The following CCDC77 variants were observed in gnomAD, a reference collection of about 807,000 sequenced individuals.
CCDC77 encodes coiled-coil domain containing 77, also known as coiled-coil domain-containing protein 77.
CCDC77 carries 56 observed loss-of-function variants against 66.8 expected under a neutral mutation model. That is an observed-to-expected ratio of 0.84 (90% CI 0.68 to 1.05). The LOEUF (loss-of-function observed/expected upper bound fraction) is 1.05, where lower values mean the gene tolerates loss of function less well. CCDC77 is among the 50% of genes least tolerant of loss of function. CCDC77 has a pLI of 0.00. For synonymous variants in CCDC77, 196 were observed against 195.2 expected, an observed-to-expected ratio of 1.00 and a Z score of -0.03; for missense variants, 570 against 576.8, an observed-to-expected ratio of 0.99 and a Z score of 0.12.
At chr12:404,655 G>A (rs1161755369) in intron 1 of CCDC77, among the ~76,000 whole-genome samples, 3 of 152,064 alleles carry the variant, frequency 2.0e-5, no homozygotes, top group Non-Finnish European at 4.4e-5. Context: ...CAACAGTGAG[G>A]ACAGTCACTA....
chr12:409,299 G>T (rs1591964053), intron 2 of CCDC77, 69 bp from the exon 3 acceptor site: 2 of 1,084,290 alleles, frequency 1.8e-6, no homozygotes, highest in South Asian at 2.5e-5. Context: ...GAGGGAACCA[G>T]TCTAATCCTG....
chr12:400,142 G>A (rs757987190), upstream of CCDC77, among the ~76,000 whole-genome samples: 1 of 152,168 alleles, frequency 6.6e-6, no homozygotes, highest in African/African-American at 2.4e-5. Flanking sequence ...ACCAGCCTCC[G>A]CTATCTTCCA....
In CCDC77 at chr12:437,532, A is replaced by G. The variant is rs1945779923; in HGVS notation, c.822-803A>G. Among the ~76,000 whole-genome samples, 2 of 149,472 alleles carry G rather than the reference A, an allele frequency of 1.3e-5. 1 individual carries two copies. Among genetic ancestry groups the G allele is most frequent in the Non-Finnish European group, 3.0e-5 (2 of 66,386 alleles). On this transcript the variant is annotated intron_variant, in intron 9 of 12. Transcript: ENST00000239830. ...CTAAAGTTGTTGGAAATGACTTCAT[A>G]CAGGAAGTTGATTTTTAAAAAAGTA... is the stretch of plus-strand genomic sequence containing the variant.
At chr12:410,756 G>A (rs1235362597) in intron 3 of CCDC77, among the ~76,000 whole-genome samples, 1 of 152,110 alleles carries the variant, frequency 6.6e-6, no homozygotes, top group African/African-American at 2.4e-5. Context: ...ATGTTGGCCA[G>A]GCTGGTCTTG....
intron 5 of CCDC77, among the ~76,000 whole-genome samples, chr12:428,298 G>GTCAGGAGA (rs1239884512): frequency 6.6e-6 from 1 of 151,962 alleles, no homozygotes; most frequent in African/African-American, 2.4e-5. Flanking sequence ...AGATCACGAG[G>GTCAGGAGA]TCAGGAGATC....
chr12:437,263 C>G (rs1296226855), intron 9 of CCDC77, among the ~76,000 whole-genome samples: 2 of 152,074 alleles, frequency 1.3e-5, no homozygotes, highest in Non-Finnish European at 2.9e-5. Context: ...TTGTCTATTC[C>G]TAAATTTCAG....
intron 2 of CCDC77, among the ~76,000 whole-genome samples, chr12:406,932 G>A (rs1945003674): frequency 6.6e-6 from 1 of 152,218 alleles, no homozygotes; most frequent in South Asian, 2.1e-4. Flanking sequence ...GGATGACACA[G>A]CAAGACTTTG....
chr12:406,797 A>C (rs988270731), intron 2 of CCDC77, among the ~76,000 whole-genome samples: 2 of 152,186 alleles, frequency 1.3e-5, no homozygotes, highest in Admixed American at 6.5e-5. Flanking sequence ...AAATACAAAA[A>C]TTAGCCAGGC....
chr12:390,082 G>T (rs1944726566), intron 1 of CCDC77: 1 of 129,422 alleles, frequency 7.7e-6, no homozygotes. Flanking sequence ...CAGTGTTCCT[G>T]GTTTCCATTA....
rs1945793349 is a variant in CCDC77 at position 438,322 on chromosome 12, CT to C, written c.822-10del. On this transcript the variant is annotated splice_polypyrimidine_tract_variant and intron_variant, in intron 9 of 12. Coordinates refer to ENST00000239830, the MANE Select transcript of CCDC77 (RefSeq NM_032358.4). ...GCGCATCCTCATGTCTGCATTTATA[CT>C]TTCTTTCCTAGTCTTCACCACACCC... The C allele has an allele frequency of 1.9e-6, 3 of 1,585,482 alleles. No individual in the cohort carries two copies. The African/African-American group carries it at 4.0e-5, about 21-fold the overall frequency.
At chr12:411,353 G>A (rs543388700) in intron 3 of CCDC77, among the ~76,000 whole-genome samples, 14 of 150,810 alleles carry the variant, frequency 9.3e-5, no homozygotes, top group Non-Finnish European at 2.1e-4. Flanking sequence ...TTTTATTTTT[G>A]TATTTTGGTA....
At chr12:405,917 T>A (rs1944981481) in intron 2 of CCDC77, among the ~76,000 whole-genome samples, 1 of 11,856 alleles carries the variant, frequency 8.4e-5, no homozygotes, top group Non-Finnish European at 2.6e-4. Context: ...AGTGTTCAAC[T>A]TTTTTTTTTT....
upstream of CCDC77, among the ~76,000 whole-genome samples, chr12:398,063 T>C (rs115633109): frequency 2.1e-3 from 326 of 152,336 alleles, no homozygotes; most frequent in African/African-American, 7.3e-3. Context: ...TGCTGATTGC[T>C]AAAGGCTGGG....
intron 12 of CCDC77, 61 bp downstream of exon 12, chr12:441,057 C>T (rs1945849605): frequency 6.5e-7 from 1 of 1,541,070 alleles, no homozygotes; most frequent in Admixed American, 1.7e-5. Context: ...GGAACATGGT[C>T]ACGAGGGCCC....
At chr12:416,779 C>T (rs1209626900) in intron 4 of CCDC77, among the ~76,000 whole-genome samples, 2 of 152,024 alleles carry the variant, frequency 1.3e-5, no homozygotes, top group Non-Finnish European at 2.9e-5. Context: ...CTCCCTGTAA[C>T]CACTATTTTA....
intron 4 of CCDC77, among the ~76,000 whole-genome samples, chr12:415,655 T>A (rs1449266012): frequency 6.6e-6 from 1 of 151,752 alleles, no homozygotes; most frequent in East Asian, 1.9e-4. Flanking sequence ...TTTTTTGAGT[T>A]AGGGTCTTGC....
At position 418,726 on chromosome 12, in the gene CCDC77, G is replaced by A. The variant is rs796601360; in HGVS notation, c.413+90G>A. The stretch of plus-strand genomic sequence containing the variant: ...TCATTCATTCATTGATTTAGAGGCA[G>A]TATCACTCTATTGCCCAGGCTGGAG... On this transcript the variant is annotated intron_variant, in intron 5 of 12. Coordinates refer to ENST00000239830, the MANE Select transcript of CCDC77 (RefSeq NM_032358.4). 49 of 1,402,284 alleles carry A rather than the reference G, an allele frequency of 3.5e-5. No individual in the cohort carries two copies. In the African/African-American group the frequency reaches 6.3e-4, roughly 18 times the overall value. The allele number at this position is 1,402,284 out of a possible 1,614,324, so 86.9% of individuals were successfully genotyped here. A position where few individuals can be genotyped will look rare whatever the true frequency, so the allele number is the denominator to read the frequency against.
At chr12:399,436 C>T (rs147120405), upstream of CCDC77, among the ~76,000 whole-genome samples, 3,113 of 152,264 alleles carry the variant, frequency 0.02, 65 homozygotes, top group East Asian at 0.048. Flanking sequence ...TCCCAAAGTG[C>T]TGGGATTACA....
At chr12:396,765 CAGG>C (rs545309933), upstream of CCDC77, among the ~76,000 whole-genome samples, 201 of 152,308 alleles carry the variant, frequency 1.3e-3, 1 homozygote, top group African/African-American at 4.7e-3. Context: ...GTCCTGTGTT[CAGG>C]AGATGACCAC....
Sources: allele counts gnomAD v4.1 joint callset (sites outside exome capture counted in the v4.1 genomes callset), GRCh38; gene constraint gnomAD v4.1.1; transcripts MANE v1.5; gene names NCBI Gene and HGNC (gene_info 2026-07-23, HGNC 2026-07-21).